Variants in DNAI4 observed in about 807,000 individuals in gnomAD.
The protein encoded by DNAI4 is WD repeat domain 78.
DNAI4 carries 85 observed loss-of-function variants against 105.8 expected under a neutral mutation model. The ratio of observed to expected loss-of-function variants is 0.80; its 90% CI spans 0.67 to 0.96. DNAI4 has a LOEUF of 0.96. Among genes scored for constraint, DNAI4 ranks in the 40% least tolerant of loss-of-function variants. The probability of loss-of-function intolerance (pLI) is 0.00; values close to 1 mark genes in which losing one functional copy is unlikely to be tolerated. For synonymous variants in DNAI4, 352 were observed against 331.5 expected (o/e 1.06, Z -0.67); for missense variants, 1,014 against 1,005.6 (o/e 1.01, Z -0.11).
At chr1:66,836,304 GAA>G (rs763201202) in intron 10 of DNAI4, among the ~76,000 whole-genome samples, 222 of 150,294 alleles carry the variant, frequency 1.5e-3, no homozygotes, top group Middle Eastern at 0.014. Flanking sequence ...AAGAAAGAAA[GAA>G]AGAAAGAAAG....
chr1:66,863,699 C>A (rs1456024334), intron 6 of DNAI4, among the ~76,000 whole-genome samples: 1 of 152,086 alleles, frequency 6.6e-6, no homozygotes, highest in East Asian at 1.9e-4. Context: ...CTTAAGTGAT[C>A]CACCTGCCTT....
intron 7 of DNAI4, 75 bp downstream of exon 7, chr1:66,862,063 AAACATTGTT>A: frequency 7.5e-7 from 1 of 1,340,396 alleles, no homozygotes; most frequent in Non-Finnish European, 1.0e-6. Flanking sequence ...ATTAGAAAGA[AAACATTGTT>A]AACTGCCAAA....
At chr1:66,868,600 T>C (rs1274748593) in intron 6 of DNAI4, among the ~76,000 whole-genome samples, 1 of 152,134 alleles carries the variant, frequency 6.6e-6, no homozygotes, top group Non-Finnish European at 1.5e-5. Context: ...CTCCTGGTTC[T>C]CAGGTGTTCA....
Position 66,837,778 on chromosome 1 carries a change from A to G in DNAI4, c.1513T>C (p.Tyr505His), listed in dbSNP as rs1249444205. Residue 505 changes from tyrosine (Y) to histidine (H), a missense_variant, in exon 10 of 17, where the codon TAT becomes CAT. By Grantham distance (83) the Tyr-to-His change is moderately conservative. Transcript: ENST00000371026. ...KTNPDLLAVG[Y>H]GHFGFKEQKR... ...TGCTCTTTAAATCCAAAGTGCCCATAGCCAACAGCCAAAAGATCCTGAAAA... is the reference window on the plus strand; with the variant it reads ...TGCTCTTTAAATCCAAAGTGCCCATGGCCAACAGCCAAAAGATCCTGAAAA... The G allele has an allele frequency of 6.2e-7, 1 of 1,604,498 alleles. No homozygotes were observed. The highest frequency in any genetic ancestry group is 1.7e-5 in the Admixed American group (1 of 58,040).
chr1:66,826,237 T>G lies in DNAI4; in HGVS notation c.2339+583A>C, dbSNP rs569014088. Among the ~76,000 whole-genome samples the G allele has an allele frequency of 2.6e-5, 4 of 151,918 alleles. No individual in the cohort carries two copies. In the South Asian group the frequency reaches 6.2e-4, roughly 24 times the overall value. ...CCAGGCAATGAATAAGAACTCAAGA[T>G]AGCTATTATATCCTATATCGTCCTA... On this transcript the variant is annotated intron_variant, in intron 15 of 16. Coordinates refer to ENST00000371026, the MANE Select transcript of DNAI4 (RefSeq NM_024763.5).
intron 16 of DNAI4, among the ~76,000 whole-genome samples, chr1:66,818,972 A>G (rs1031456008): frequency 6.6e-6 from 1 of 152,082 alleles, no homozygotes; most frequent in African/African-American, 2.4e-5. Context: ...TTCCTTATAC[A>G]TGTCTCCTAT....
intron 11 of DNAI4, among the ~76,000 whole-genome samples, chr1:66,835,132 G>A (rs981855304): frequency 6.6e-6 from 1 of 152,022 alleles, no homozygotes; most frequent in Non-Finnish European, 1.5e-5. Flanking sequence ...ATGACATGCT[G>A]ATGACAGAAA....
At chr1:66,884,929 G>A (rs1647161607) in intron 4 of DNAI4, among the ~76,000 whole-genome samples, 1 of 152,154 alleles carries the variant, frequency 6.6e-6, no homozygotes, top group African/African-American at 2.4e-5. Context: ...GGAAACCTAA[G>A]TTATTAATTG....
intron 4 of DNAI4, among the ~76,000 whole-genome samples, chr1:66,885,734 C>T (rs1647183511): frequency 6.6e-6 from 1 of 152,088 alleles, no homozygotes; most frequent in African/African-American, 2.4e-5. Flanking sequence ...AAAAATATAT[C>T]CTTATTCTTC....
intron 13 of DNAI4, among the ~76,000 whole-genome samples, chr1:66,833,156 C>A (rs769404542): frequency 2.0e-5 from 3 of 152,080 alleles, no homozygotes; most frequent in Non-Finnish European, 2.9e-5. Context: ...CTAGAATGTA[C>A]CATTCCACCT....
At chr1:66,893,061 GA>G (rs1647913048) in intron 3 of DNAI4, among the ~76,000 whole-genome samples, 167 bp downstream of exon 3, 9 of 93,624 alleles carry the variant, frequency 9.6e-5, no homozygotes, top group African/African-American at 4.0e-4. Flanking sequence ...GAAAGAGAGA[GA>G]GAGAAAGAAA....
chr1:66,828,734 C>G (rs527268926), intron 13 of DNAI4, among the ~76,000 whole-genome samples: 16 of 152,010 alleles, frequency 1.1e-4, no homozygotes, highest in Admixed American at 3.9e-4. Flanking sequence ...TTACTGTCTT[C>G]GATGAACATA....
intron 10 of DNAI4, among the ~76,000 whole-genome samples, chr1:66,836,218 G>GAA (rs1557908441): frequency 3.4e-4 from 29 of 86,372 alleles, no homozygotes; most frequent in African/African-American, 8.5e-4. Flanking sequence ...GAGAGAGAGA[G>GAA]AGAGAGAGAG....
chr1:66,918,255 A>G (rs1301138170), intron 1 of DNAI4, among the ~76,000 whole-genome samples: 1 of 152,258 alleles, frequency 6.6e-6, no homozygotes, highest in East Asian at 1.9e-4. Flanking sequence ...GGGAAACTGG[A>G]GAGAAAAATT....
intron 7 of DNAI4, among the ~76,000 whole-genome samples, chr1:66,859,022 T>C (rs1391423114): frequency 1.3e-5 from 2 of 152,090 alleles, no homozygotes; most frequent in Non-Finnish European, 2.9e-5. Flanking sequence ...AAATGTATCA[T>C]CTATGAAAAA....
chr1:66,921,035 A>G (rs1466467442), intron 1 of DNAI4, among the ~76,000 whole-genome samples: 1 of 152,274 alleles, frequency 6.6e-6, no homozygotes, highest in Admixed American at 6.5e-5. Flanking sequence ...CAAAGCAAGT[A>G]TCAGAACCAC....
intron 4 of DNAI4, among the ~76,000 whole-genome samples, chr1:66,884,155 C>A (rs1647141122): frequency 6.6e-6 from 1 of 152,212 alleles, no homozygotes; most frequent in Admixed American, 6.5e-5. Flanking sequence ...TCACAAATGA[C>A]AGAATTTCCT....
chr1:66,916,889 CT>C (rs57839896), intron 1 of DNAI4, among the ~76,000 whole-genome samples: 22 of 147,402 alleles, frequency 1.5e-4, no homozygotes, highest in Admixed American at 4.7e-4. Flanking sequence ...AGATTTTTGC[CT>C]TTTTTTTTTA....
chr1:66,844,507 G>A (rs1186133111), intron 8 of DNAI4, among the ~76,000 whole-genome samples: 2 of 152,114 alleles, frequency 1.3e-5, no homozygotes, highest in African/African-American at 4.8e-5. Flanking sequence ...AGGTTGTGGT[G>A]AGCTGAGATA....
Sources: gnomAD v4.1 joint callset for allele counts (sites outside exome capture counted in the v4.1 genomes callset) on GRCh38, gnomAD v4.1.1 for gene constraint, MANE v1.5 for transcripts, NCBI Gene and HGNC (gene_info 2026-07-23, HGNC 2026-07-21) for gene names.